AQP10: variants seen among roughly 807,000 people sequenced by gnomAD.
AQP10 encodes aquaporin-10.
Under a neutral mutation model 21.0 loss-of-function variants are expected in AQP10, and 15 were observed. That is an observed-to-expected ratio of 0.71 (90% CI 0.48 to 1.10). AQP10 has a LOEUF of 1.10. AQP10 is among the 50% of genes least tolerant of loss of function. The probability of loss-of-function intolerance (pLI) is 0.00; values close to 1 mark genes in which losing one functional copy is unlikely to be tolerated. For missense variants in AQP10, 268 were observed against 379.5 expected (o/e 0.71, Z 2.44); for synonymous variants, 143 against 155.7 (o/e 0.92, Z 0.61).
At chr1:154,322,390 C>T (rs997915309) in intron 2 of AQP10, among the ~76,000 whole-genome samples, 2 of 152,030 alleles carry the variant, frequency 1.3e-5, no homozygotes, top group African/African-American at 4.8e-5. Flanking sequence ...CAGATACACA[C>T]TGCATCGGTG....
At position 154,321,098 on chromosome 1, in the gene AQP10, G is replaced by A; in HGVS notation, c.-58G>A. 2 of 1,411,328 alleles carry A rather than the reference G, an allele frequency of 1.4e-6. No individual in the cohort carries two copies. Among genetic ancestry groups the A allele is most frequent in the Non-Finnish European group, 2.0e-6 (2 of 1,013,696 alleles). The allele number at this position is 1,411,328 out of a possible 1,614,324, so 87.4% of individuals were successfully genotyped here. Reference sequence around the variant, plus strand: ...GCTGGAGGCAGGCAGTAGCTGTGCAGTGACAGTGTGCCTATGCAGACAGAG... The same window carrying A: ...GCTGGAGGCAGGCAGTAGCTGTGCAATGACAGTGTGCCTATGCAGACAGAG... On this transcript the variant is annotated 5_prime_UTR_variant, in exon 1 of 6. The change creates a new upstream start codon in the 5' untranslated region. Transcript: ENST00000324978.
In AQP10 at chr1:154,323,374, G is replaced by C. The variant is rs1479619407; in HGVS notation, c.489+15G>C. ...TCCTGGATCAGGTAAGTGTGAGGGG[G>C]AGACCTGGGGACACTACTTTGGTCC... is the stretch of plus-strand genomic sequence containing the variant. On this transcript the variant is annotated intron_variant, in intron 4 of 5. Coordinates refer to ENST00000324978, the MANE Select transcript of AQP10 (RefSeq NM_080429.3). The surrounding 1 kb of genome is among the most constrained non-coding windows in gnomAD (Gnocchi z 4.5). 2 of 1,606,742 alleles carry C rather than the reference G, an allele frequency of 1.2e-6. No homozygotes were observed. The highest frequency in any genetic ancestry group is 2.2e-5 in the South Asian group (2 of 90,898).
Position 154,322,976 on chromosome 1 carries a change from T to C in AQP10, c.233-6T>C. 6.2e-7 allele frequency: 1 copy of C among 1,614,216 alleles called. No individual in the cohort carries two copies. The highest frequency in any genetic ancestry group is 8.5e-7 in the Non-Finnish European group (1 of 1,180,042). On this transcript the variant is annotated splice_region_variant and splice_polypyrimidine_tract_variant and intron_variant, in intron 2 of 5. Transcript: ENST00000324978. ...GATGCTCTTTTTCTTTCCTTGATAC[T>C]TGAAGGGGCCCACCTGAATCCAGCC...
intron 2 of AQP10, 21 bp from the exon 3 acceptor site, chr1:154,322,961 T>C (rs1265376229): frequency 6.2e-7 from 1 of 1,614,114 alleles, no homozygotes; most frequent in South Asian, 1.1e-5. Context: ...GATGCTCTTT[T>C]TCTTTCCTTG....
At chr1:154,321,853 G>A (rs1316044290) in intron 1 of AQP10, 80 bp from the exon 2 acceptor site, 17 of 1,582,086 alleles carry the variant, frequency 1.1e-5, no homozygotes, top group Non-Finnish European at 1.5e-5. Context: ...CATCTCCTTG[G>A]CTGCTCCCCT....
rs1685715580 is a variant in AQP10 at position 154,324,387 on chromosome 1, C to T, written c.813C>T (p.Gly271=). ...QLLVALHHPE[G]PEPAQDLVSA... ...TGGTGGCTCTGCACCACCCTGAGGG[C>T]CCAGAGCCAGCTCAGGATCTGGTGT... The change falls in exon 6 of 6, where the codon GGC becomes GGT. Residue 271 remains glycine (G), a synonymous_variant. Coordinates refer to ENST00000324978, the MANE Select transcript of AQP10 (RefSeq NM_080429.3). 1.2e-6 allele frequency: 2 copies of T among 1,613,576 alleles called. No homozygotes were observed. The highest frequency in any genetic ancestry group is 1.7e-6 in the Non-Finnish European group (2 of 1,179,972).
chr1:154,323,919 C>G lies in AQP10; in HGVS notation c.707+113C>G. The G allele has an allele frequency of 6.6e-7, 1 of 1,504,504 alleles. No individual in the cohort carries two copies. The highest frequency in any genetic ancestry group is 8.9e-7 in the Non-Finnish European group (1 of 1,122,482). 93.2% of individuals were successfully genotyped at this position (1,504,504 alleles called of 1,614,324 possible). On this transcript the variant is annotated intron_variant, in intron 5 of 5. Transcript: ENST00000324978. The surrounding 1 kb of genome is among the most constrained non-coding windows in gnomAD (Gnocchi z 4.5). ...AAATAGCTCTCTTGGCTTCTTAGGA[C>G]AGTGTTCTTTCTCCAAGTCATATTC...
At chr1:154,321,419 C>T (rs1685639337) in intron 1 of AQP10, among the ~76,000 whole-genome samples, 159 bp downstream of exon 1, 1 of 152,134 alleles carries the variant, frequency 6.6e-6, no homozygotes, top group South Asian at 2.1e-4. Context: ...CTTTCCTCTC[C>T]TACTTCATCA....
intron 5 of AQP10, 127 bp from the exon 6 acceptor site, chr1:154,324,155 C>T: frequency 9.0e-7 from 1 of 1,115,856 alleles, no homozygotes; most frequent in Non-Finnish European, 1.2e-6. Context: ...ACAAGGCAAT[C>T]CTCTTCCTGG....
At chr1:154,321,887 T>C in intron 1 of AQP10, 46 bp from the exon 2 acceptor site, 2 of 1,609,494 alleles carry the variant, frequency 1.2e-6, no homozygotes, top group Non-Finnish European at 1.7e-6. Context: ...TTTCTCCCTG[T>C]TGGTCTCCTG....
Position 154,323,204 on chromosome 1 carries a change from C to CA in AQP10, c.371-34dup. 2 of 1,613,554 alleles carry CA rather than the reference C, an allele frequency of 1.2e-6. No individual in the cohort carries two copies. The highest frequency in any genetic ancestry group is 8.5e-7 in the Non-Finnish European group (1 of 1,179,518). Reference sequence around the variant, plus strand: ...CTCAGAATGGTTTTGGATGAATGAGCAAAGAGGGAAATCCTGGGTGTTCCC... The same window carrying CA: ...CTCAGAATGGTTTTGGATGAATGAGCAAAAGAGGGAAATCCTGGGTGTTCCC... On this transcript the variant is annotated intron_variant, in intron 3 of 5. Coordinates refer to ENST00000324978, the MANE Select transcript of AQP10 (RefSeq NM_080429.3). The surrounding 1 kb of genome is among the most constrained non-coding windows in gnomAD (Gnocchi z 4.5).
intron 2 of AQP10, among the ~76,000 whole-genome samples, chr1:154,322,530 C>T (rs1415699221): frequency 1.1e-4 from 13 of 113,398 alleles, no homozygotes; most frequent in Non-Finnish European, 2.1e-4. Context: ...GATGGAGTTT[C>T]ACTCTGTTGC....
At position 154,323,583 on chromosome 1, in the gene AQP10, T is replaced by C; in HGVS notation, c.490-6T>C. On this transcript the variant is annotated splice_polypyrimidine_tract_variant and splice_region_variant and intron_variant, in intron 4 of 5. Transcript: ENST00000324978. The surrounding 1 kb of genome is among the most constrained non-coding windows in gnomAD (Gnocchi z 4.5). ...CAGGGAACCCTCTGCCTCTGTTGAC[T>C]CCAAGGTTCTGGGCACTGGGATGCT... 1 of 1,611,500 alleles carries C rather than the reference T, an allele frequency of 6.2e-7. No individual in the cohort carries two copies. Among genetic ancestry groups the C allele is most frequent in the Non-Finnish European group, 8.5e-7 (1 of 1,177,838 alleles).
chr1:154,323,039 G>C lies in AQP10; in HGVS notation c.290G>C (p.Trp97Ser). Residue 97 changes from tryptophan to serine, a missense_variant, in exon 3 of 6, where the codon TGG (tryptophan) becomes TCG (serine). Trp to Ser is a radical substitution (Grantham distance 177). Coordinates refer to ENST00000324978, the MANE Select transcript of AQP10 (RefSeq NM_080429.3). The surrounding 1 kb of genome is among the most constrained non-coding windows in gnomAD (Gnocchi z 4.5). ...ATGTGCATCGTTGGACGCCTCCCCT[G>C]GGTCAAGCTCCCCATTTACATCTTG... ...LAMCIVGRLPWVKLPIYILVQ... is the reference protein window; with the variant it reads ...LAMCIVGRLPSVKLPIYILVQ... 1.2e-6 allele frequency: 2 copies of C among 1,614,146 alleles called. No individual in the cohort carries two copies. Among genetic ancestry groups the C allele is most frequent in the Non-Finnish European group, 1.7e-6 (2 of 1,180,018 alleles).
intron 1 of AQP10, 94 bp downstream of exon 1, chr1:154,321,354 T>G: frequency 1.0e-6 from 1 of 967,674 alleles, no homozygotes; most frequent in South Asian, 1.6e-5. Context: ...GGTGTCCCCC[T>G]TCCTCTCAAC....
rs756095252 is a variant in AQP10 at position 154,321,255 on chromosome 1, C to T, written c.100C>T (p.Leu34Phe). 1.9e-6 allele frequency: 3 copies of T among 1,612,518 alleles called. No homozygotes were observed. Among genetic ancestry groups the T allele is most frequent in the East Asian group, 2.2e-5 (1 of 44,696 alleles). ...CLAEFLGVFV[L>F]MLLTQGAVAQ... ...GGCAGAGTTTCTGGGTGTGTTTGTA[C>T]TCATGGTAGGTAGGATCACTGCGGG... is the stretch of plus-strand genomic sequence containing the variant. The change falls in exon 1 of 6, where the codon CTC becomes TTC. Residue 34 changes from leucine to phenylalanine, a missense_variant. Leu to Phe is a conservative substitution (Grantham distance 22). Coordinates refer to ENST00000324978, the MANE Select transcript of AQP10 (RefSeq NM_080429.3).
At chr1:154,322,559 G>T (rs1685669744) in intron 2 of AQP10, among the ~76,000 whole-genome samples, 1 of 149,196 alleles carries the variant, frequency 6.7e-6, no homozygotes. Context: ...GAGAGCAGTG[G>T]TGTGATGTCT....
rs75110063 is a variant in AQP10 at position 154,325,311 on chromosome 1, A to G, written c.*831A>G. On this transcript the variant is annotated 3_prime_UTR_variant, in exon 6 of 6. Coordinates refer to ENST00000324978, the MANE Select transcript of AQP10 (RefSeq NM_080429.3). ...TATTCCCTTCTTCCGAATTAAAAAT[A>G]CCCCCTCAGAGCGATCTAGCCTCCC... The G allele has an allele frequency of 6.6e-6, 1 of 151,934 alleles. No individual in the cohort carries two copies. The highest frequency in any genetic ancestry group is 2.4e-5 in the African/African-American group (1 of 41,348). The allele number at this position is 151,934 out of a possible 1,614,324, so 9.4% of individuals were successfully genotyped here.
chr1:154,323,883 C>T lies in AQP10; in HGVS notation c.707+77C>T, dbSNP rs764290697. 1 of 1,560,012 alleles carries T rather than the reference C, an allele frequency of 6.4e-7. No homozygotes were observed. The highest frequency in any genetic ancestry group is 2.4e-5 in the East Asian group (1 of 41,696). On this transcript the variant is annotated intron_variant, in intron 5 of 5. Transcript: ENST00000324978. This position sits in a 1 kb window ranked among gnomAD's most constrained non-coding sequence, Gnocchi z 4.5. ...GGGCTCTGTCCCTGGGTCCACAGCA[C>T]TCTGCCTTTAAAATAGCTCTCTTGG... is the stretch of plus-strand genomic sequence containing the variant.
Sources: allele counts gnomAD v4.1 joint callset (sites outside exome capture counted in the v4.1 genomes callset), GRCh38; gene constraint gnomAD v4.1.1; non-coding constraint Gnocchi (gnomAD v3.1); transcripts MANE v1.5; gene names NCBI Gene and HGNC (gene_info 2026-07-23, HGNC 2026-07-21).